CCDC73: variants seen among roughly 807,000 people sequenced by gnomAD.
The protein encoded by CCDC73 is coiled-coil domain-containing protein 73.
In CCDC73, 95 loss-of-function variants were observed where a neutral mutation model predicts 116.5. The ratio of observed to expected loss-of-function variants is 0.82; its 90% CI spans 0.69 to 0.97. CCDC73 has a LOEUF of 0.97. CCDC73 is among the 50% of genes least tolerant of loss of function. The pLI, the probability that CCDC73 is intolerant of heterozygous loss-of-function variation, is 0.00. For missense variants in CCDC73, 1,066 were observed against 1,206.8 expected, an observed-to-expected ratio of 0.88 and a Z score of 1.73; for synonymous variants, 398 against 401.3, an observed-to-expected ratio of 0.99 and a Z score of 0.10.
intron 14 of CCDC73, among the ~76,000 whole-genome samples, chr11:32,618,799 G>A (rs1180332282): frequency 2.6e-5 from 4 of 152,048 alleles, no homozygotes; most frequent in Non-Finnish European, 4.4e-5. Flanking sequence ...TGATCTACTC[G>A]TCTTGGCCTC....
rs1856080635 is a variant in CCDC73, at chr11:32,675,656, A to C, written c.566-12T>G. On this transcript the variant is annotated splice_polypyrimidine_tract_variant and intron_variant, in intron 8 of 17. Transcript: ENST00000335185. Reference sequence around the variant, plus strand: ...TATTGCTTCCCGTACTGCAACATGAAAGACATTTAAGAAAGCATTATATTC... The same window carrying C: ...TATTGCTTCCCGTACTGCAACATGACAGACATTTAAGAAAGCATTATATTC... 6.4e-7 allele frequency: 1 copy of C among 1,561,086 alleles called. No individual in the cohort carries two copies.
intron 4 of CCDC73, among the ~76,000 whole-genome samples, 180 bp downstream of exon 4, chr11:32,702,693 C>A (rs916084423): frequency 2.0e-5 from 3 of 152,206 alleles, no homozygotes; most frequent in African/African-American, 7.2e-5. Context: ...TATGCTACTA[C>A]TTTACATTCT....
the CCDC73 span, among the ~76,000 whole-genome samples, chr11:32,805,500 T>G: frequency 6.6e-6 from 1 of 152,178 alleles, no homozygotes; most frequent in African/African-American, 2.4e-5. Context: ...TGGGCCCCTT[T>G]ATTCATAGAG....
At chr11:32,778,586 C>T (rs1195051067) in intron 1 of CCDC73, among the ~76,000 whole-genome samples, 3 of 151,886 alleles carry the variant, frequency 2.0e-5, no homozygotes, top group South Asian at 2.1e-4. Flanking sequence ...CTGAGGCAGG[C>T]GGATCACCTG....
At chr11:32,829,797 G>A in the CCDC73 span, 1 of 985,408 alleles carries the variant, frequency 1.0e-6, no homozygotes, top group Non-Finnish European at 1.2e-6. Flanking sequence ...GCAGAAGCTG[G>A]GGCGGCTGAG....
chr11:32,700,137 A>G (rs1432344073), intron 5 of CCDC73, among the ~76,000 whole-genome samples: 1 of 151,900 alleles, frequency 6.6e-6, no homozygotes, highest in Non-Finnish European at 1.5e-5. Context: ...TACAACTAGA[A>G]TAAATATATT....
At chr11:32,723,164 G>A (rs894039456) in intron 2 of CCDC73, among the ~76,000 whole-genome samples, 1 of 152,034 alleles carries the variant, frequency 6.6e-6, no homozygotes, top group Admixed American at 6.6e-5. Flanking sequence ...AGCACAATCT[G>A]GTTATTTGGT....
chr11:32,707,259 A>T (rs116203552), intron 3 of CCDC73, among the ~76,000 whole-genome samples: 2 of 152,156 alleles, frequency 1.3e-5, no homozygotes, highest in South Asian at 4.1e-4. Flanking sequence ...CAGTCAAAAA[A>T]CCCAGTGAAT....
Position 32,704,901 on chromosome 11 carries a change from G to A in CCDC73, c.208-1957C>T, listed in dbSNP as rs773687007. ...TCTCCTCTCCACTGAGAGCTGTTTG[G>A]TCACCCAGTGAAGCTCTTCTCTGCC... On this transcript the variant is annotated intron_variant, in intron 3 of 17. Coordinates refer to ENST00000335185, the MANE Select transcript of CCDC73 (RefSeq NM_001008391.4). Among the ~76,000 whole-genome samples the A allele has an allele frequency of 1.1e-4, 17 of 152,290 alleles. No homozygotes were observed. In the Middle Eastern group the frequency reaches 0.014, roughly 122 times the overall value.
At chr11:32,652,337 C>CAAAAG (rs1314794427) in intron 12 of CCDC73, among the ~76,000 whole-genome samples, 1 of 150,674 alleles carries the variant, frequency 6.6e-6, no homozygotes, top group African/African-American at 2.4e-5. Flanking sequence ...AAAAACAAAA[C>CAAAAG]AAAACAAAAC....
chr11:32,747,472 C>T (rs985726065), intron 2 of CCDC73, among the ~76,000 whole-genome samples: 8 of 152,168 alleles, frequency 5.3e-5, no homozygotes, highest in Admixed American at 4.6e-4. Flanking sequence ...AGCTGTCAGG[C>T]AGGGATGTTT....
intron 17 of CCDC73, chr11:32,603,624 A>G (rs1004581201): frequency 3.3e-5 from 5 of 152,116 alleles, no homozygotes; most frequent in Middle Eastern, 3.2e-3. Context: ...ACAATTGTCT[A>G]TGGCTGCAAA....
intron 2 of CCDC73, among the ~76,000 whole-genome samples, chr11:32,730,485 T>C (rs1467414045): frequency 2.6e-5 from 4 of 152,228 alleles, no homozygotes; most frequent in Non-Finnish European, 4.4e-5. Context: ...GGTGCCATTC[T>C]ATTGTCTTCC....
chr11:32,637,571 A>G (rs533862329), intron 13 of CCDC73, among the ~76,000 whole-genome samples: 1 of 151,456 alleles, frequency 6.6e-6, no homozygotes, highest in Non-Finnish European at 1.5e-5. Context: ...TACCTGTCTT[A>G]CCAGCTCCCT....
intron 6 of CCDC73, among the ~76,000 whole-genome samples, chr11:32,691,414 G>A (rs542865387): frequency 6.6e-6 from 1 of 152,222 alleles, no homozygotes; most frequent in East Asian, 1.9e-4. Context: ...TTGGTGAGTA[G>A]TGTATCTTTG....
Position 32,611,209 on chromosome 11 carries a change from C to A in CCDC73, c.2953G>T (p.Asp985Tyr). The A allele has an allele frequency of 2.5e-6, 4 of 1,613,514 alleles. No homozygotes were observed. Among genetic ancestry groups the A allele is most frequent in the Non-Finnish European group, 3.4e-6 (4 of 1,179,504 alleles). Residue 985 changes from aspartate to tyrosine, a missense_variant, in exon 17 of 18, where the codon GAT (aspartate) becomes TAT (tyrosine). Transcript: ENST00000335185. ...DTLNNWSIHPDPKGEPSEEKN... is the reference protein window; with the variant it reads ...DTLNNWSIHPYPKGEPSEEKN... ...TCTTCACTGGGTTCTCCCTTGGGAT[C>A]TGGATGGATACTCCAGTTATTCAAA...
At chr11:32,618,390 T>C (rs1855493218) in intron 14 of CCDC73, among the ~76,000 whole-genome samples, 1 of 152,182 alleles carries the variant, frequency 6.6e-6, no homozygotes, top group Non-Finnish European at 1.5e-5. Context: ...TTTGGCTATA[T>C]ACCTGGTAAT....
At chr11:32,766,885 G>GCCATATTGC (rs1198578702) in intron 1 of CCDC73, among the ~76,000 whole-genome samples, 1 of 152,150 alleles carries the variant, frequency 6.6e-6, no homozygotes, top group Non-Finnish European at 1.5e-5. Context: ...CGTGAAAATG[G>GCCATATTGC]CCATATTGCC....
rs1016605048 is a variant in CCDC73 at position 32,676,714 on chromosome 11, GT to G, written c.430-694del. Reference sequence around the variant, plus strand: ...GTGGGAGGATTGCTTGAGGCTAGGAGTTTAAGGCTGCAGTGAGCTATGCTCA... The same window carrying G: ...GTGGGAGGATTGCTTGAGGCTAGGAGTTAAGGCTGCAGTGAGCTATGCTCA... On this transcript the variant is annotated intron_variant, in intron 7 of 17. Transcript: ENST00000335185. Among the ~76,000 whole-genome samples, 118 of 152,308 alleles carry G rather than the reference GT, an allele frequency of 7.7e-4. 3 individuals carry two copies. Among genetic ancestry groups the G allele is most frequent in the Non-Finnish European group, 1.8e-4 (12 of 68,026 alleles).
Sources: gnomAD v4.1 joint callset for allele counts (sites outside exome capture counted in the v4.1 genomes callset) on GRCh38, gnomAD v4.1.1 for gene constraint, MANE v1.5 for transcripts, NCBI Gene and HGNC (gene_info 2026-07-23, HGNC 2026-07-21) for gene names.